Variants in WDR26 observed in about 807,000 individuals in gnomAD.
WDR26 encodes WD repeat domain 26.
A neutral mutation model predicts 84.1 loss-of-function variants in WDR26; 5 were observed. The observed-to-expected ratio is 0.06, with a 90% CI of 0.03 to 0.13. WDR26 has a LOEUF of 0.13. Ranked by LOEUF, WDR26 falls within the 10% of genes least tolerant of loss-of-function variation. The pLI is 1.00. For synonymous variants in WDR26, 415 were observed against 389.6 expected, an observed-to-expected ratio of 1.07 and a Z score of -0.77; for missense variants, 642 against 974.9, an observed-to-expected ratio of 0.66 and a Z score of 4.55.
intron 6 of WDR26, among the ~76,000 whole-genome samples, chr1:224,415,614 C>A (rs1217008434): frequency 6.6e-6 from 1 of 152,088 alleles, no homozygotes; most frequent in Non-Finnish European, 1.5e-5. Context: ...GCGTGTGCCG[C>A]CATGCCCGGC....
intron 13 of WDR26, among the ~76,000 whole-genome samples, chr1:224,391,316 T>C (rs1673117349): frequency 6.8e-6 from 1 of 146,026 alleles, no homozygotes; most frequent in Admixed American, 7.0e-5. Flanking sequence ...TGAGCCGAGA[T>C]TGCGCCATTG....
intron 7 of WDR26, 97 bp downstream of exon 7, chr1:224,411,330 T>C: frequency 7.7e-7 from 1 of 1,296,288 alleles, no homozygotes; most frequent in South Asian, 2.0e-5. Context: ...TAGAAAAGAA[T>C]ACTATTGATA....
At chr1:224,426,633 C>T (rs1572212177) in intron 3 of WDR26, among the ~76,000 whole-genome samples, 1 of 144,906 alleles carries the variant, frequency 6.9e-6, no homozygotes, top group East Asian at 2.0e-4. Context: ...CTTTGTCATT[C>T]ATCAGGTCAC....
chr1:224,421,990 T>G (rs534182607), intron 4 of WDR26, among the ~76,000 whole-genome samples: 1 of 152,302 alleles, frequency 6.6e-6, no homozygotes, highest in African/African-American at 2.4e-5. Context: ...ATTTACAAAC[T>G]CGTGTGTCAC....
intron 6 of WDR26, among the ~76,000 whole-genome samples, chr1:224,417,626 A>C (rs969316055): frequency 6.6e-6 from 1 of 152,230 alleles, no homozygotes; most frequent in Non-Finnish European, 1.5e-5. Context: ...GGATCACTTG[A>C]GCCTAAGGCT....
rs1357187157 is a variant in WDR26, at chr1:224,431,495, C to T, written c.909G>A (p.Thr303=). 2.5e-6 allele frequency: 4 copies of T among 1,613,654 alleles called. No homozygotes were observed. The highest frequency in any genetic ancestry group is 2.5e-6 in the Non-Finnish European group (3 of 1,179,874). ...TATTTACCACAATTATTCCCAACAA[C>T]GTTTGAGAGATTTCAAGTGCGCCTC... The change falls in exon 3 of 14, where the codon ACG becomes ACA. Residue 303 remains threonine, a synonymous_variant. Transcript: ENST00000414423.
At chr1:224,432,225 T>A (rs898880477) in intron 1 of WDR26, among the ~76,000 whole-genome samples, 1 of 152,246 alleles carries the variant, frequency 6.6e-6, no homozygotes, top group Non-Finnish European at 1.5e-5. Flanking sequence ...ATAGAAATTC[T>A]ACTAGGTCAA....
At position 224,423,584 on chromosome 1, in the gene WDR26, C is replaced by T. The variant is rs557506358; in HGVS notation, c.1064+934G>A. Among the ~76,000 whole-genome samples the T allele has an allele frequency of 1.1e-3, 165 of 152,074 alleles. 1 individual carries two copies. Among genetic ancestry groups the T allele is most frequent in the African/African-American group, 3.9e-3 (163 of 41,498 alleles). On this transcript the variant is annotated intron_variant, in intron 4 of 13. Transcript: ENST00000414423. Reference sequence around the variant, plus strand: ...GGCAACATAGCGAGACCTGTCTCTACAAAAAATGAAAAAATTAGCCACATG... The same window carrying T: ...GGCAACATAGCGAGACCTGTCTCTATAAAAAATGAAAAAATTAGCCACATG...
chr1:224,433,576 T>C, intron 1 of WDR26, 108 bp downstream of exon 1: 1 of 1,384,554 alleles, frequency 7.2e-7, no homozygotes, highest in Non-Finnish European at 9.4e-7. Context: ...TCATTCTCTT[T>C]GACCGAGCTC....
At position 224,434,330 on chromosome 1, in the gene WDR26, G is replaced by C; in HGVS notation, c.76C>G (p.Pro26Ala). ...GAGGCTCGGGGTTTCTTCCGCGGGGGCGGGGAGGCTCCGCCGGTGTCCGAG... is the reference window on the plus strand; with the variant it reads ...GAGGCTCGGGGTTTCTTCCGCGGGGCCGGGGAGGCTCCGCCGGTGTCCGAG... The change falls in exon 1 of 14, where the codon CCC (proline) becomes GCC (alanine). Residue 26 changes from proline (P) to alanine (A), a missense_variant. Physicochemically the swap from Pro to Ala is conservative, Grantham distance 27. Around this residue, in one of 2 missense-constraint regions of WDR26, gnomAD observed 291 missense variants for 302.1 expected, o/e 0.96. Coordinates refer to ENST00000414423, the MANE Select transcript of WDR26 (RefSeq NM_001379403.1). 1 of 1,232,658 alleles carries C rather than the reference G, an allele frequency of 8.1e-7. No individual in the cohort carries two copies. Among genetic ancestry groups the C allele is most frequent in the Non-Finnish European group, 1.0e-6 (1 of 988,618 alleles). 76.4% of individuals were successfully genotyped at this position (1,232,658 alleles called of 1,614,324 possible). A position where few individuals can be genotyped will look rare whatever the true frequency, so the allele number is the denominator to read the frequency against.
chr1:224,402,439 CTAAA>C (rs1017224664), intron 8 of WDR26, among the ~76,000 whole-genome samples: 4 of 152,198 alleles, frequency 2.6e-5, no homozygotes, highest in East Asian at 1.9e-4. Context: ...TTATTATGCT[CTAAA>C]TAGTGAGTAC....
rs1285755223 is a variant in WDR26, at chr1:224,386,048, G to A, written c.*3787C>T. On this transcript the variant is annotated 3_prime_UTR_variant, in exon 14 of 14. Coordinates refer to ENST00000414423, the MANE Select transcript of WDR26 (RefSeq NM_001379403.1). ...AGGCTATCTGGATTAAGTAGATAGG[G>A]GATGGGTTTTTATAGTTTTTATTTT... 6.6e-6 allele frequency: 1 copy of A among 152,338 alleles called. No homozygotes were observed. Among genetic ancestry groups the A allele is most frequent in the African/African-American group, 2.4e-5 (1 of 41,412 alleles). 9.4% of individuals were successfully genotyped at this position (152,338 alleles called of 1,614,324 possible).
chr1:224,401,110 C>A (rs184383331), intron 8 of WDR26, 41 bp from the exon 9 acceptor site: 2 of 1,582,594 alleles, frequency 1.3e-6, no homozygotes, highest in Admixed American at 1.9e-5. Context: ...TTCAAGATAC[C>A]CCTCTAAAGG....
intron 1 of WDR26, among the ~76,000 whole-genome samples, chr1:224,432,332 C>A (rs1347969553): frequency 6.6e-6 from 1 of 152,202 alleles, no homozygotes; most frequent in Admixed American, 6.5e-5. Flanking sequence ...CAAACAGTCA[C>A]GAGTTATTTC....
intron 8 of WDR26, among the ~76,000 whole-genome samples, chr1:224,402,527 AC>A (rs1204203339): frequency 1.3e-5 from 2 of 152,200 alleles, no homozygotes; most frequent in Non-Finnish European, 2.9e-5. Context: ...TGATTAGATC[AC>A]CCTTTTAGAA....
In WDR26 at chr1:224,428,156, C is replaced by T. The variant is rs116338827; in HGVS notation, c.927+3321G>A. Among the ~76,000 whole-genome samples the T allele has an allele frequency of 5.8e-3, 885 of 152,274 alleles. 13 individuals are homozygous for T. Among genetic ancestry groups the T allele is most frequent in the African/African-American group, 0.02 (811 of 41,556 alleles). ...GATAGCTTGAATGATAGTTTCACGTCGTAAATTCTGCTGTTGCTCCCCTAG... is the reference window on the plus strand; with the variant it reads ...GATAGCTTGAATGATAGTTTCACGTTGTAAATTCTGCTGTTGCTCCCCTAG... On this transcript the variant is annotated intron_variant, in intron 3 of 13. Transcript: ENST00000414423.
At chr1:224,426,833 A>G (rs1421437644) in intron 3 of WDR26, among the ~76,000 whole-genome samples, 2 of 152,030 alleles carry the variant, frequency 1.3e-5, no homozygotes, top group East Asian at 3.9e-4. Context: ...GTGGTGGCTC[A>G]CACCTGTAAT....
At chr1:224,401,991 G>A (rs1259799644) in intron 8 of WDR26, 1 of 152,078 alleles carries the variant, frequency 6.6e-6, no homozygotes, top group East Asian at 1.9e-4. Flanking sequence ...CAACTTAGAA[G>A]GTATACACAT....
At chr1:224,407,147 A>AG (rs1164642480) in intron 7 of WDR26, among the ~76,000 whole-genome samples, 1 of 19,466 alleles carries the variant, frequency 5.1e-5, no homozygotes, top group East Asian at 2.0e-3. Context: ...AAAAAAAAAA[A>AG]AAAAATATAT....
Sources: gnomAD v4.1 joint callset for allele counts (sites outside exome capture counted in the v4.1 genomes callset) on GRCh38, gnomAD v4.1.1 for gene constraint, gnomAD v4.1.1 regional missense constraint, MANE v1.5 for transcripts, NCBI Gene and HGNC (gene_info 2026-07-23, HGNC 2026-07-21) for gene names.